NRXN3: variants seen among roughly 807,000 people sequenced by gnomAD.
NRXN3 encodes neurexin 3, also known as neurexin III.
NRXN3 carries 32 observed loss-of-function variants against 137.6 expected under a neutral mutation model. That is an observed-to-expected ratio of 0.23 (90% CI 0.18 to 0.31). The LOEUF is 0.31. Ranked by LOEUF, NRXN3 falls within the 10% of genes least tolerant of loss-of-function variation. The probability of loss-of-function intolerance (pLI) is 1.00; values close to 1 mark genes in which losing one functional copy is unlikely to be tolerated. For missense variants in NRXN3, 1,574 were observed against 2,062.5 expected (o/e 0.76, Z 4.59); for synonymous variants, 798 against 784.5 (o/e 1.02, Z -0.29).
chr14:79,832,524 G>T (rs528852969), intron 20 of NRXN3, among the ~76,000 whole-genome samples: 1 of 152,172 alleles, frequency 6.6e-6, no homozygotes, highest in African/African-American at 2.4e-5. Context: ...ATTGTCAATT[G>T]TCTGGAGATG....
intron 15 of NRXN3, among the ~76,000 whole-genome samples, chr14:79,445,935 A>G (rs1370893411): frequency 6.6e-6 from 1 of 152,178 alleles, no homozygotes; most frequent in African/African-American, 2.4e-5. Context: ...ATGTGATGAC[A>G]GGTAATGTGA....
intron 1 of NRXN3, among the ~76,000 whole-genome samples, chr14:78,209,536 T>C (rs907857884): frequency 1.3e-5 from 2 of 152,168 alleles, no homozygotes; most frequent in Admixed American, 1.3e-4. Flanking sequence ...CTTACAATCA[T>C]GGCAGAAGGG....
At chr14:79,370,117 C>A (rs918729267) in intron 15 of NRXN3, among the ~76,000 whole-genome samples, 3 of 152,098 alleles carry the variant, frequency 2.0e-5, no homozygotes, top group Non-Finnish European at 4.4e-5. Context: ...TTGAACTTGG[C>A]TTCACTTCTA....
At chr14:79,410,977 CAATT>C (rs950827657) in intron 15 of NRXN3, among the ~76,000 whole-genome samples, 2 of 151,992 alleles carry the variant, frequency 1.3e-5, no homozygotes, top group African/African-American at 2.4e-5. Flanking sequence ...TCGTCAGACT[CAATT>C]AAGTGCATTT....
intron 19 of NRXN3, among the ~76,000 whole-genome samples, chr14:79,772,389 A>G (rs2099081514): frequency 6.6e-6 from 1 of 152,162 alleles, no homozygotes; most frequent in African/African-American, 2.4e-5. Context: ...CTACAAGGCT[A>G]CAGTAAGCAA....
intron 15 of NRXN3, among the ~76,000 whole-genome samples, chr14:79,040,428 G>A (rs1185246555): frequency 6.6e-6 from 1 of 152,178 alleles, no homozygotes; most frequent in Non-Finnish European, 1.5e-5. Flanking sequence ...GGGTGAAGAA[G>A]AATGGACAAA....
At chr14:78,300,235 C>T (rs1012540560) in intron 4 of NRXN3, among the ~76,000 whole-genome samples, 1 of 152,224 alleles carries the variant, frequency 6.6e-6, no homozygotes, top group Non-Finnish European at 1.5e-5. Flanking sequence ...CCTCATAACT[C>T]ATATTAATGT....
intron 16 of NRXN3, among the ~76,000 whole-genome samples, chr14:79,625,928 A>C (rs192483939): frequency 6.6e-6 from 1 of 152,190 alleles, no homozygotes; most frequent in Non-Finnish European, 1.5e-5. Flanking sequence ...GGAGTGATGC[A>C]TGTCTCATAG....
intron 19 of NRXN3, among the ~76,000 whole-genome samples, chr14:79,780,466 A>C (rs927653595): frequency 4.0e-5 from 6 of 151,254 alleles, no homozygotes; most frequent in African/African-American, 1.5e-4. Context: ...AAAATTAGCC[A>C]GGCGTGGTGG....
In NRXN3 at chr14:78,542,952, G is replaced by A. The variant is rs533454580; in HGVS notation, c.758-102168G>A. 4.6e-5 allele frequency among the ~76,000 whole-genome samples: 7 copies of A among 152,262 alleles called. No homozygotes were observed. In the South Asian group the frequency reaches 1.2e-3, roughly 27 times the overall value. ...GAGGACTTTGTGGATTTGAGACAGG[G>A]TGGGTAGGAGAGGATCATCACATTG... On this transcript the variant is annotated intron_variant, in intron 4 of 20. Transcript: ENST00000335750.
At chr14:78,566,885 C>T (rs2096841451) in intron 4 of NRXN3, among the ~76,000 whole-genome samples, 1 of 152,184 alleles carries the variant, frequency 6.6e-6, no homozygotes, top group Non-Finnish European at 1.5e-5. Context: ...TCAGAAAACC[C>T]TTGCACCACA....
At chr14:79,272,743 G>A (rs75241978) in intron 15 of NRXN3, among the ~76,000 whole-genome samples, 4,093 of 152,234 alleles carry the variant, frequency 0.027, 204 homozygotes, top group African/African-American at 0.093. Context: ...CATGAGCTTC[G>A]TTGTTTTGGA....
intron 15 of NRXN3, among the ~76,000 whole-genome samples, chr14:79,000,318 A>T (rs73317280): frequency 0.048 from 7,360 of 152,106 alleles, 640 homozygotes; most frequent in African/African-American, 0.17. Flanking sequence ...AATTCTTCTG[A>T]GATGATTTTT....
At chr14:79,541,258 C>T (rs908249190) in intron 16 of NRXN3, among the ~76,000 whole-genome samples, 5 of 152,064 alleles carry the variant, frequency 3.3e-5, no homozygotes, top group African/African-American at 1.2e-4. Flanking sequence ...CAAAAATTAG[C>T]CGGGTGTGGT....
chr14:78,881,342 G>A (rs2099128604), intron 10 of NRXN3, among the ~76,000 whole-genome samples: 1 of 151,680 alleles, frequency 6.6e-6, no homozygotes, highest in South Asian at 2.1e-4. Flanking sequence ...GAACAGTTTG[G>A]AGGGCTCAGA....
At chr14:79,030,886 C>T (rs544935708) in intron 15 of NRXN3, among the ~76,000 whole-genome samples, 52 of 151,578 alleles carry the variant, frequency 3.4e-4, no homozygotes, top group African/African-American at 1.2e-3. Flanking sequence ...GGTCTTTTTT[C>T]GTGTGGCAGC....
intron 17 of NRXN3, among the ~76,000 whole-genome samples, chr14:79,669,933 G>A (rs918707736): frequency 1.3e-5 from 2 of 152,028 alleles, no homozygotes; most frequent in East Asian, 1.9e-4. Flanking sequence ...GACATTCACT[G>A]ATATGTAGAA....
At chr14:78,821,550 G>A (rs215510) in intron 10 of NRXN3, among the ~76,000 whole-genome samples, 143,845 of 152,122 alleles carry the variant, frequency 0.95, 68,274 homozygotes, top group Non-Finnish European at 0.99. Flanking sequence ...AGCAGCAAAT[G>A]TGTGTCAGAT....
chr14:78,268,749 C>T (rs2072231015), intron 2 of NRXN3, among the ~76,000 whole-genome samples: 1 of 152,116 alleles, frequency 6.6e-6, no homozygotes, highest in Admixed American at 6.5e-5. Flanking sequence ...GGGGTAACAA[C>T]AGTATCTACA....
Sources: allele counts gnomAD v4.1 joint callset (sites outside exome capture counted in the v4.1 genomes callset), GRCh38; gene constraint gnomAD v4.1.1; transcripts MANE v1.5; gene names NCBI Gene and HGNC (gene_info 2026-07-23, HGNC 2026-07-21).